The following CNTNAP2 variants were observed in gnomAD, a reference collection of about 807,000 sequenced individuals.
CNTNAP2 encodes contactin-associated protein-like 2.
In CNTNAP2, 98 loss-of-function variants were observed where a neutral mutation model predicts 155.2. The observed-to-expected ratio is 0.63, with a 90% CI of 0.54 to 0.75. The LOEUF is 0.75. CNTNAP2 is among the 30% of genes least tolerant of loss of function. The pLI, the probability that CNTNAP2 is intolerant of heterozygous loss-of-function variation, is 0.00. For synonymous variants in CNTNAP2, 651 were observed against 631.2 expected (o/e 1.03, Z -0.47); for missense variants, 1,727 against 1,688.1 (o/e 1.02, Z -0.40).
intron 1 of CNTNAP2, among the ~76,000 whole-genome samples, chr7:146,671,280 T>TA (rs1182007462): frequency 1.3e-5 from 2 of 152,166 alleles, no homozygotes; most frequent in Admixed American, 6.5e-5. Context: ...AAGGTCTATA[T>TA]ACCTAGACTT....
chr7:147,689,151 CT>C (rs5888280), intron 13 of CNTNAP2, among the ~76,000 whole-genome samples: 41,406 of 139,286 alleles, frequency 0.3, 6,273 homozygotes, highest in Non-Finnish European at 0.38. Context: ...ATAATTACTA[CT>C]TTTTTTTTTT....
At chr7:147,853,723 T>C (rs1216578501) in intron 13 of CNTNAP2, among the ~76,000 whole-genome samples, 2 of 152,318 alleles carry the variant, frequency 1.3e-5, no homozygotes, top group African/African-American at 4.8e-5. Context: ...TTGGTTGGCA[T>C]TGATGATCTA....
At chr7:147,858,867 T>A (rs970528113) in intron 13 of CNTNAP2, among the ~76,000 whole-genome samples, 1 of 152,208 alleles carries the variant, frequency 6.6e-6, no homozygotes, top group African/African-American at 2.4e-5. Flanking sequence ...GGCACCTGCA[T>A]TTTGGACTTT....
At chr7:147,292,397 G>T (rs1363614596) in intron 8 of CNTNAP2, among the ~76,000 whole-genome samples, 1 of 152,036 alleles carries the variant, frequency 6.6e-6, no homozygotes, top group African/African-American at 2.4e-5. Flanking sequence ...GTATAATCTT[G>T]AAATCAAATG....
At chr7:147,527,417 C>A (rs1419186672) in intron 11 of CNTNAP2, among the ~76,000 whole-genome samples, 1 of 152,086 alleles carries the variant, frequency 6.6e-6, no homozygotes, top group Admixed American at 6.6e-5. Context: ...TGAAAAGCTG[C>A]AAAATTGGAA....
chr7:147,309,645 G>A (rs1164487611), intron 9 of CNTNAP2, among the ~76,000 whole-genome samples: 1 of 152,008 alleles, frequency 6.6e-6, no homozygotes, highest in Non-Finnish European at 1.5e-5. Flanking sequence ...AGCAGTACCT[G>A]ATTATGCAAA....
chr7:148,340,764 C>T (rs1235086265), intron 21 of CNTNAP2, among the ~76,000 whole-genome samples: 1 of 152,182 alleles, frequency 6.6e-6, no homozygotes, highest in Non-Finnish European at 1.5e-5. Flanking sequence ...TGGATTCTTT[C>T]ATAGTATTTA....
intron 15 of CNTNAP2, among the ~76,000 whole-genome samples, chr7:148,061,878 T>TATAA (rs1803141132): frequency 8.9e-6 from 1 of 112,088 alleles, no homozygotes; most frequent in Non-Finnish European, 1.9e-5. Context: ...GATAAACAGA[T>TATAA]ATAGATAGAT....
intron 1 of CNTNAP2, among the ~76,000 whole-genome samples, chr7:146,265,526 T>G (rs1180956350): frequency 1.3e-5 from 2 of 151,064 alleles, no homozygotes; most frequent in Non-Finnish European, 2.9e-5. Context: ...TGGTGTGATC[T>G]CAGCTCGCTA....
At chr7:147,706,348 C>T (rs1176897348) in intron 13 of CNTNAP2, among the ~76,000 whole-genome samples, 2 of 151,914 alleles carry the variant, frequency 1.3e-5, no homozygotes, top group East Asian at 1.9e-4. Flanking sequence ...TCCACTTTCA[C>T]TTGTCTGGGA....
intron 9 of CNTNAP2, among the ~76,000 whole-genome samples, chr7:147,365,398 A>G (rs957003747): frequency 6.6e-6 from 1 of 150,472 alleles, no homozygotes; most frequent in Non-Finnish European, 1.5e-5. Flanking sequence ...AAAAAAAAAA[A>G]AAAAAAAAAA....
chr7:146,690,118 A>G (rs1355911016), intron 1 of CNTNAP2, among the ~76,000 whole-genome samples: 3 of 152,062 alleles, frequency 2.0e-5, no homozygotes, highest in Non-Finnish European at 4.4e-5. Context: ...TTTTCTCTTC[A>G]TGTGATTCCT....
At chr7:146,618,551 A>G (rs138593284) in intron 1 of CNTNAP2, among the ~76,000 whole-genome samples, 11 of 152,298 alleles carry the variant, frequency 7.2e-5, no homozygotes, top group Non-Finnish European at 1.2e-4. Context: ...TCAAAATCCA[A>G]AGGACAATTG....
chr7:147,887,603 A>T (rs1379679837), intron 13 of CNTNAP2, among the ~76,000 whole-genome samples: 5 of 152,256 alleles, frequency 3.3e-5, no homozygotes, highest in Non-Finnish European at 7.3e-5. Context: ...TGAATGCCAA[A>T]GCCAGAAGCT....
chr7:146,592,114 G>T (rs1341133325), intron 1 of CNTNAP2, among the ~76,000 whole-genome samples: 1 of 152,118 alleles, frequency 6.6e-6, no homozygotes, highest in Non-Finnish European at 1.5e-5. Context: ...CGGCTGTCAT[G>T]AAACCTGGAT....
At chr7:146,745,465 A>T (rs1300402164) in intron 1 of CNTNAP2, among the ~76,000 whole-genome samples, 1 of 152,190 alleles carries the variant, frequency 6.6e-6, no homozygotes, top group Admixed American at 6.5e-5. Context: ...AAACAAAGGT[A>T]TACTGACTTT....
intron 1 of CNTNAP2, among the ~76,000 whole-genome samples, chr7:146,226,604 G>A (rs1259556593): frequency 2.6e-5 from 4 of 152,138 alleles, no homozygotes; most frequent in Non-Finnish European, 4.4e-5. Flanking sequence ...AGACTGCAGT[G>A]AGTCAAGATC....
At chr7:146,592,723 A>G (rs1798801602) in intron 1 of CNTNAP2, among the ~76,000 whole-genome samples, 1 of 152,176 alleles carries the variant, frequency 6.6e-6, no homozygotes, top group African/African-American at 2.4e-5. Flanking sequence ...AAATATCCAT[A>G]TATTGTACCA....
At chr7:146,589,018 T>A (rs2129149122) in intron 1 of CNTNAP2, among the ~76,000 whole-genome samples, 1 of 152,338 alleles carries the variant, frequency 6.6e-6, no homozygotes, top group African/African-American at 2.4e-5. Flanking sequence ...TCATTCACTG[T>A]CTTTCCTTTT....
Sources: gnomAD v4.1 joint callset for allele counts (sites outside exome capture counted in the v4.1 genomes callset) on GRCh38, gnomAD v4.1.1 for gene constraint, MANE v1.5 for transcripts, NCBI Gene and HGNC (gene_info 2026-07-23, HGNC 2026-07-21) for gene names.